The following NKIRAS1 variants were observed in gnomAD, a reference collection of about 807,000 sequenced individuals.
NKIRAS1 encodes NF-kappa-B inhibitor-interacting Ras-like protein 1.
A neutral mutation model predicts 19.8 loss-of-function variants in NKIRAS1; 16 were observed. The observed-to-expected ratio is 0.81, with a 90% CI of 0.55 to 1.23. NKIRAS1 has a LOEUF of 1.23. Among genes scored for constraint, NKIRAS1 ranks in the 50% most tolerant of loss-of-function variants. NKIRAS1 has a pLI of 0.00. For synonymous variants in NKIRAS1, 88 were observed against 79.0 expected, an observed-to-expected ratio of 1.11 and a Z score of -0.61; for missense variants, 184 against 220.0, an observed-to-expected ratio of 0.84 and a Z score of 1.04.
chr3:23,923,965 A>G (rs1433228956), intron 1 of NKIRAS1: 1 of 152,180 alleles, frequency 6.6e-6, no homozygotes, highest in Non-Finnish European at 1.5e-5. Flanking sequence ...TGAAAACACA[A>G]CTAAACTACA....
chr3:23,914,934 T>C (rs1704170901), intron 1 of NKIRAS1, among the ~76,000 whole-genome samples: 1 of 152,218 alleles, frequency 6.6e-6, no homozygotes, highest in Admixed American at 6.5e-5. Flanking sequence ...TTTTTAGTCA[T>C]CCTCACCTTT....
intron 1 of NKIRAS1, among the ~76,000 whole-genome samples, chr3:23,942,688 C>T (rs1272014052): frequency 6.6e-6 from 1 of 152,038 alleles, no homozygotes; most frequent in Non-Finnish European, 1.5e-5. Context: ...TCCTCGGCCT[C>T]CCAAAGTGCT....
At chr3:23,902,798 A>G (rs966602905) in intron 3 of NKIRAS1, among the ~76,000 whole-genome samples, 6 of 152,186 alleles carry the variant, frequency 3.9e-5, no homozygotes, top group Non-Finnish European at 7.3e-5. Context: ...AGTATAAAAT[A>G]GAGGCTGTCT....
At chr3:23,894,927 C>T (rs1199802487) in intron 4 of NKIRAS1, among the ~76,000 whole-genome samples, 1 of 152,256 alleles carries the variant, frequency 6.6e-6, no homozygotes, top group Non-Finnish European at 1.5e-5. Context: ...AGTGATTTCA[C>T]TGGCCACGTA....
intron 4 of NKIRAS1, among the ~76,000 whole-genome samples, chr3:23,900,604 T>C (rs1702425229): frequency 7.2e-6 from 1 of 138,600 alleles, no homozygotes; most frequent in Non-Finnish European, 1.5e-5. Flanking sequence ...CATTGCACTT[T>C]CAACTCTTGC....
chr3:23,945,105 G>A (rs1014603112), intron 1 of NKIRAS1, among the ~76,000 whole-genome samples: 58 of 151,038 alleles, frequency 3.8e-4, no homozygotes, highest in Middle Eastern at 6.9e-3. Context: ...GGAAGAGGAG[G>A]GGCTCGGCAA....
chr3:23,909,327 G>C (rs1284520193), intron 3 of NKIRAS1, among the ~76,000 whole-genome samples: 4 of 152,112 alleles, frequency 2.6e-5, no homozygotes, highest in African/African-American at 9.7e-5. Context: ...TTCGAGACCA[G>C]CCTGGCCAAC....
At position 23,893,033 on chromosome 3, in the gene NKIRAS1, C is replaced by A; in HGVS notation, c.*62G>T. 1 of 1,465,692 alleles carries A rather than the reference C, an allele frequency of 6.8e-7. No individual in the cohort carries two copies. The highest frequency in any genetic ancestry group is 9.1e-7 in the Non-Finnish European group (1 of 1,103,534). The allele number at this position is 1,465,692 out of a possible 1,614,324, so 90.8% of individuals were successfully genotyped here. The stretch of plus-strand genomic sequence containing the variant: ...CCTATTTTAAATAGTAATATTACTC[C>A]ATGTTCACAGACACTTAAAGGCAAT... On this transcript the variant is annotated 3_prime_UTR_variant, in exon 5 of 5. Coordinates refer to ENST00000425478, the MANE Select transcript of NKIRAS1 (RefSeq NM_020345.4).
chr3:23,895,219 T>C (rs1256573797), intron 4 of NKIRAS1, among the ~76,000 whole-genome samples: 1 of 152,158 alleles, frequency 6.6e-6, no homozygotes, highest in African/African-American at 2.4e-5. Context: ...ACTTTATTGC[T>C]GGAGCTGGTC....
rs1298996153 is a variant in NKIRAS1 at position 23,896,441 on chromosome 3, C to T, written c.337-3104G>A. Among the ~76,000 whole-genome samples, 4 of 151,918 alleles carry T rather than the reference C, an allele frequency of 2.6e-5. No homozygotes were observed. In the South Asian group the frequency reaches 8.3e-4, roughly 32 times the overall value. ...ACCAGCCTGTCCAACATGGTGAAAC[C>T]CTGTCGTCTAAAAATACAAAAATTA... is the stretch of plus-strand genomic sequence containing the variant. On this transcript the variant is annotated intron_variant, in intron 4 of 4. Coordinates refer to ENST00000425478, the MANE Select transcript of NKIRAS1 (RefSeq NM_020345.4).
At chr3:23,904,326 T>C (rs1272067600) in intron 3 of NKIRAS1, among the ~76,000 whole-genome samples, 3 of 152,264 alleles carry the variant, frequency 2.0e-5, no homozygotes, top group Non-Finnish European at 4.4e-5. Context: ...AAGGTGCCAG[T>C]AGGTCTGGTG....
chr3:23,910,832 G>A lies in NKIRAS1; in HGVS notation c.73C>T (p.Leu25Phe), dbSNP rs1703626290. ...VGKTAILEQL[L>F]YGNHTIGMED... ...TTACCAATAGTATGATTTCCATAAA[G>A]GAGCTGCTCCAAAATTGCAGTTTTC... Residue 25 changes from leucine (L) to phenylalanine (F), a missense_variant, in exon 3 of 5, where the codon CTT becomes TTT. Coordinates refer to ENST00000425478, the MANE Select transcript of NKIRAS1 (RefSeq NM_020345.4). The A allele has an allele frequency of 6.2e-7, 1 of 1,613,680 alleles. No individual in the cohort carries two copies. Among genetic ancestry groups the A allele is most frequent in the Non-Finnish European group, 8.5e-7 (1 of 1,179,634 alleles).
At chr3:23,921,627 T>A, upstream of NKIRAS1, 1 of 639,752 alleles carries the variant, frequency 1.6e-6, no homozygotes, top group South Asian at 1.6e-5. Context: ...CAGGTGGGAG[T>A]GCAGTGGGGC....
rs1703701469 is a variant in NKIRAS1 at position 23,911,355 on chromosome 3, G to A, written c.-44C>T. On this transcript the variant is annotated 5_prime_UTR_variant, in exon 2 of 5. Transcript: ENST00000425478. ...TGTAATCCCAGCTACTGGGGAGGCTGAGGCAGGAGAATCACTTGAACCCAG... is the reference window on the plus strand; with the variant it reads ...TGTAATCCCAGCTACTGGGGAGGCTAAGGCAGGAGAATCACTTGAACCCAG... 2 of 160,446 alleles carry A rather than the reference G, an allele frequency of 1.2e-5. No homozygotes were observed. The highest frequency in any genetic ancestry group is 2.4e-5 in the African/African-American group (1 of 41,486). 9.9% of individuals were successfully genotyped at this position (160,446 alleles called of 1,614,324 possible). A position where few individuals can be genotyped will look rare whatever the true frequency, so the allele number is the denominator to read the frequency against.
At chr3:23,899,560 G>T (rs772762194) in intron 4 of NKIRAS1, among the ~76,000 whole-genome samples, 4 of 152,124 alleles carry the variant, frequency 2.6e-5, no homozygotes, top group Non-Finnish European at 4.4e-5. Flanking sequence ...AAGATCTGGA[G>T]AAAGATTTGA....
intron 4 of NKIRAS1, among the ~76,000 whole-genome samples, chr3:23,893,660 A>G (rs1701666853): frequency 6.6e-6 from 1 of 151,994 alleles, no homozygotes. Context: ...TAAAAAAATT[A>G]GCCAGGCGTA....
chr3:23,917,466 G>A (rs1256874750), upstream of NKIRAS1: 1 of 159,112 alleles, frequency 6.3e-6, no homozygotes, highest in Admixed American at 6.5e-5. Flanking sequence ...GGTTGGGTGG[G>A]GTAGATGCAT....
intron 1 of NKIRAS1, among the ~76,000 whole-genome samples, chr3:23,914,383 TAGGAG>T (rs923655251): frequency 1.8e-4 from 27 of 152,192 alleles, no homozygotes; most frequent in Admixed American, 1.4e-3. Flanking sequence ...GTTAACATCA[TAGGAG>T]AGATGTTATA....
intron 4 of NKIRAS1, among the ~76,000 whole-genome samples, chr3:23,897,611 T>C (rs1702109806): frequency 6.6e-6 from 1 of 152,168 alleles, no homozygotes; most frequent in South Asian, 2.1e-4. Context: ...TTCCTGAACA[T>C]GGCAAGCAAA....
Sources: gnomAD v4.1 joint callset for allele counts (sites outside exome capture counted in the v4.1 genomes callset) on GRCh38, gnomAD v4.1.1 for gene constraint, MANE v1.5 for transcripts, NCBI Gene and HGNC (gene_info 2026-07-23, HGNC 2026-07-21) for gene names.